The following RAB11FIP3 variants were observed in gnomAD, a reference collection of about 807,000 sequenced individuals.
RAB11FIP3 encodes the protein RAB11 family interacting protein 3, also known as rab11 family-interacting protein 3.
Under a neutral mutation model 77.8 loss-of-function variants are expected in RAB11FIP3, and 17 were observed. The observed-to-expected ratio is 0.22, with a 90% CI of 0.15 to 0.33. RAB11FIP3 has a LOEUF of 0.33. Among genes scored for constraint, RAB11FIP3 ranks in the 10% least tolerant of loss-of-function variants. The pLI is 1.00. For synonymous variants in RAB11FIP3, 437 were observed against 448.2 expected, an observed-to-expected ratio of 0.98 and a Z score of 0.31; for missense variants, 1,005 against 1,011.2, an observed-to-expected ratio of 0.99 and a Z score of 0.08.
At position 488,846 on chromosome 16, in the gene RAB11FIP3, T is replaced by G. The variant is rs778528267; in HGVS notation, c.1116-5T>G. ...AGAAGACATCATTTCTGTTTTACTT[T>G]GCAGGCCTCACCCCCATGGCCAGTC... On this transcript the variant is annotated splice_region_variant and splice_polypyrimidine_tract_variant and intron_variant, in intron 4 of 13. Coordinates refer to ENST00000262305, the MANE Select transcript of RAB11FIP3 (RefSeq NM_014700.4). The G allele has an allele frequency of 2.5e-6, 4 of 1,613,216 alleles. No individual in the cohort carries two copies.
At position 493,381 on chromosome 16, in the gene RAB11FIP3, G is replaced by A. The variant is rs144795204; in HGVS notation, c.1266-3443G>A. Reference sequence around the variant, plus strand: ...TTAGTGGAGGAGATCTGAATCTTGCGTTTTAGTTTCCATGGACTTGCCTGA... The same window carrying A: ...TTAGTGGAGGAGATCTGAATCTTGCATTTTAGTTTCCATGGACTTGCCTGA... On this transcript the variant is annotated intron_variant, in intron 5 of 13. Transcript: ENST00000262305. 6.6e-4 allele frequency among the ~76,000 whole-genome samples: 100 copies of A among 152,174 alleles called. 1 individual carries two copies. The highest frequency in any genetic ancestry group is 1.6e-3 in the Admixed American group (24 of 15,278).
chr16:439,912 C>T (rs948748665), intron 1 of RAB11FIP3, among the ~76,000 whole-genome samples: 2 of 151,440 alleles, frequency 1.3e-5, no homozygotes, highest in Non-Finnish European at 2.9e-5. Context: ...GGTGCAATCG[C>T]GGATCAGTGC....
At chr16:460,172 C>G (rs1188359675) in intron 1 of RAB11FIP3, among the ~76,000 whole-genome samples, 2 of 152,172 alleles carry the variant, frequency 1.3e-5, no homozygotes, top group South Asian at 2.1e-4. Flanking sequence ...GCCACCGCAC[C>G]TGGCCTGAGT....
chr16:455,086 T>C lies in RAB11FIP3; in HGVS notation c.715-6318T>C, dbSNP rs1351709466. ...CAAAAAAACTAGGCTTTCTTTCTTT[T>C]TTTTTTTTTTCTTGGCCACATGCAC... is the stretch of plus-strand genomic sequence containing the variant. On this transcript the variant is annotated intron_variant, in intron 1 of 13. Coordinates refer to ENST00000262305, the MANE Select transcript of RAB11FIP3 (RefSeq NM_014700.4). Among the ~76,000 whole-genome samples, 6 of 150,080 alleles carry C rather than the reference T, an allele frequency of 4.0e-5. No homozygotes were observed. In the East Asian group the frequency reaches 7.8e-4, roughly 19 times the overall value.
At chr16:475,712 G>A (rs1466384004) in intron 3 of RAB11FIP3, among the ~76,000 whole-genome samples, 1 of 152,190 alleles carries the variant, frequency 6.6e-6, no homozygotes, top group Non-Finnish European at 1.5e-5. Flanking sequence ...TGGCATGGAA[G>A]TGGACGTCCA....
At position 477,495 on chromosome 16, in the gene RAB11FIP3, C is replaced by T. The variant is rs1220336536; in HGVS notation, c.904-5030C>T. The T allele has an allele frequency of 1.1e-5, 4 of 355,424 alleles. No individual in the cohort carries two copies. In the South Asian group the frequency reaches 3.4e-4, roughly 30 times the overall value. The allele number at this position is 355,424 out of a possible 1,614,324, so 22.0% of individuals were successfully genotyped here. Reference sequence around the variant, plus strand: ...TTCGCATCCTGCCCCGTCATGCCTTCCCCACAGGCCCAGCCTCTGACAGAC... The same window carrying T: ...TTCGCATCCTGCCCCGTCATGCCTTTCCCACAGGCCCAGCCTCTGACAGAC... On this transcript the variant is annotated intron_variant, in intron 3 of 13. Coordinates refer to ENST00000262305, the MANE Select transcript of RAB11FIP3 (RefSeq NM_014700.4).
In RAB11FIP3 at chr16:482,629, G is replaced by A. The variant is rs746514138; in HGVS notation, c.1008G>A (p.Leu336=). The change falls in exon 4 of 14, where the codon CTG becomes CTA. Residue 336 remains leucine (L), a synonymous_variant. Transcript: ENST00000262305. Reference sequence around the variant, plus strand: ...CCAGCACCCTGGTGCACCCTGAGCTGCAACCTGAAGGGGACGCAGACAGTG... The same window carrying A: ...CCAGCACCCTGGTGCACCCTGAGCTACAACCTGAAGGGGACGCAGACAGTG... ...EDTSTLVHPE[L]QPEGDADSAG... is the part of the protein sequence containing the mutation. 6 of 1,613,378 alleles carry A rather than the reference G, an allele frequency of 3.7e-6. No individual in the cohort carries two copies. Among genetic ancestry groups the A allele is most frequent in the Non-Finnish European group, 5.1e-6 (6 of 1,180,056 alleles).
intron 9 of RAB11FIP3, among the ~76,000 whole-genome samples, chr16:515,759 A>G (rs575665876): frequency 2.0e-5 from 3 of 152,260 alleles, no homozygotes; most frequent in South Asian, 4.2e-4. Flanking sequence ...ATCTCGGAAC[A>G]GCCACACGGC....
chr16:515,959 C>T (rs1013974645), intron 9 of RAB11FIP3, among the ~76,000 whole-genome samples: 4 of 152,218 alleles, frequency 2.6e-5, no homozygotes, highest in Admixed American at 2.0e-4. Context: ...AGAGTGGCAC[C>T]ACCGAGCGCC....
At chr16:476,450 C>T (rs1436112365) in intron 3 of RAB11FIP3, among the ~76,000 whole-genome samples, 3 of 152,132 alleles carry the variant, frequency 2.0e-5, no homozygotes, top group Non-Finnish European at 2.9e-5. Context: ...CCCGGACCTC[C>T]CTCCCTTCGT....
chr16:516,447 G>A (rs1245633705), intron 9 of RAB11FIP3, among the ~76,000 whole-genome samples: 3 of 152,246 alleles, frequency 2.0e-5, no homozygotes, highest in East Asian at 3.8e-4. Flanking sequence ...TTATCTCAGA[G>A]GGACATGGGC....
chr16:431,665 G>A lies in RAB11FIP3; in HGVS notation c.714+4945G>A, dbSNP rs139565780. On this transcript the variant is annotated intron_variant, in intron 1 of 13. Transcript: ENST00000262305. The stretch of plus-strand genomic sequence containing the variant: ...GTTGGGATTACAGATGTGAGCCACC[G>A]CACCTGGCCCAGACCTTTTTTAACA... Among the ~76,000 whole-genome samples, 1,386 of 152,130 alleles carry A rather than the reference G, an allele frequency of 9.1e-3. 22 individuals carry two copies. Among genetic ancestry groups the A allele is most frequent in the African/African-American group, 0.032 (1,309 of 41,516 alleles).
rs1228265127 is a variant in RAB11FIP3, at chr16:471,913, G to A, written c.903+524G>A. ...CGAGCACAGCCGTGGTCGACAGAGC[G>A]TAACCATGTCCGCCGGTCTGGAGGG... is the stretch of plus-strand genomic sequence containing the variant. On this transcript the variant is annotated intron_variant, in intron 3 of 13. Coordinates refer to ENST00000262305, the MANE Select transcript of RAB11FIP3 (RefSeq NM_014700.4). The surrounding 1 kb of genome is among the most constrained non-coding windows in gnomAD (Gnocchi z 4.4). Among the ~76,000 whole-genome samples, 3 of 152,182 alleles carry A rather than the reference G, an allele frequency of 2.0e-5. No individual in the cohort carries two copies. The highest frequency in any genetic ancestry group is 7.2e-5 in the African/African-American group (3 of 41,436).
At chr16:512,909 TG>T (rs1026511064) in intron 9 of RAB11FIP3, among the ~76,000 whole-genome samples, 1 of 150,762 alleles carries the variant, frequency 6.6e-6, no homozygotes, top group Admixed American at 6.6e-5. Flanking sequence ...CTTGAACTCC[TG>T]GGCTCAAGCA....
rs763129694 is a variant in RAB11FIP3 at position 461,979 on chromosome 16, G to A, written c.808+482G>A. 1.3e-5 allele frequency among the ~76,000 whole-genome samples: 2 copies of A among 152,134 alleles called. No homozygotes were observed. The highest frequency in any genetic ancestry group is 2.9e-5 in the Non-Finnish European group (2 of 68,046). The stretch of plus-strand genomic sequence containing the variant: ...GAACACTGCAGCCCGTACCACCATC[G>A]TTCCCTAGAGCTCAGTGTTTGTTTC... On this transcript the variant is annotated intron_variant, in intron 2 of 13. Transcript: ENST00000262305. This position sits in a 1 kb window ranked among gnomAD's most constrained non-coding sequence, Gnocchi z 4.5.
At chr16:502,210 G>A (rs1282895454) in intron 6 of RAB11FIP3, among the ~76,000 whole-genome samples, 1 of 152,258 alleles carries the variant, frequency 6.6e-6, no homozygotes, top group Non-Finnish European at 1.5e-5. Flanking sequence ...ATTCACCACA[G>A]CGAATCTGAC....
chr16:470,497 T>TAAGTA (rs1489732518), intron 2 of RAB11FIP3, among the ~76,000 whole-genome samples: 2 of 152,232 alleles, frequency 1.3e-5, no homozygotes, highest in Non-Finnish European at 2.9e-5. Flanking sequence ...TATTAAGTAA[T>TAAGTA]GCTATTTTAT....
At chr16:440,847 G>A (rs1445649780) in intron 1 of RAB11FIP3, among the ~76,000 whole-genome samples, 1 of 152,220 alleles carries the variant, frequency 6.6e-6, no homozygotes, top group African/African-American at 2.4e-5. Context: ...GTGAGAACAG[G>A]TGCTGGCACA....
intron 5 of RAB11FIP3, among the ~76,000 whole-genome samples, chr16:494,844 A>T (rs201399049): frequency 3.5e-4 from 49 of 140,032 alleles, no homozygotes; most frequent in African/African-American, 1.1e-3. Flanking sequence ...TCGAGGCTGC[A>T]GAGGTGGGAG....
Sources: allele counts gnomAD v4.1 joint callset (sites outside exome capture counted in the v4.1 genomes callset), GRCh38; gene constraint gnomAD v4.1.1; non-coding constraint Gnocchi (gnomAD v3.1); transcripts MANE v1.5; gene names NCBI Gene and HGNC (gene_info 2026-07-23, HGNC 2026-07-21).